Variants in DCX observed in about 807,000 individuals in gnomAD.
DCX encodes the protein doublecortin, also known as neuronal migration protein doublecortin.
DCX carries 4 observed loss-of-function variants against 20.9 expected under a neutral mutation model. The ratio of observed to expected loss-of-function variants is 0.19; its 90% CI spans 0.09 to 0.44. The LOEUF (loss-of-function observed/expected upper bound fraction) is 0.44. DCX is among the 20% of genes least tolerant of loss of function. The probability of loss-of-function intolerance (pLI) is 0.99; values close to 1 mark genes in which losing one functional copy is unlikely to be tolerated. For synonymous variants in DCX, 103 were observed against 111.4 expected, an observed-to-expected ratio of 0.92 and a Z score of 0.47; for missense variants, 133 against 296.9, an observed-to-expected ratio of 0.45 and a Z score of 4.06.
At chrX:111,391,128 G>C (rs1295437936) in intron 3 of DCX, among the ~76,000 whole-genome samples, 1 of 111,271 alleles carries the variant, frequency 9.0e-6, no homozygotes, top group South Asian at 3.8e-4. Flanking sequence ...CAATTTTGGA[G>C]GCGGGACCTG....
intron 5 of DCX, among the ~76,000 whole-genome samples, chrX:111,330,439 T>C (rs1331330609): frequency 8.9e-6 from 1 of 112,443 alleles, no homozygotes; most frequent in African/African-American, 3.2e-5. Flanking sequence ...CATATATATG[T>C]AGTGTACTTG....
chrX:111,408,536 G>A (rs1479953726), intron 2 of DCX, among the ~76,000 whole-genome samples: 1 of 109,124 alleles, frequency 9.2e-6, no homozygotes, highest in East Asian at 2.9e-4. Context: ...AGGAGGCAGA[G>A]GTTGTGGTGA....
intron 3 of DCX, among the ~76,000 whole-genome samples, chrX:111,335,528 A>G (rs1282631780): frequency 8.9e-6 from 1 of 112,793 alleles, no homozygotes; most frequent in Non-Finnish European, 1.9e-5. Context: ...GCATTTAGAG[A>G]CTTTAAAAGG....
At chrX:111,374,134 C>A (rs1012869086) in intron 3 of DCX, among the ~76,000 whole-genome samples, 1 of 111,794 alleles carries the variant, frequency 8.9e-6, no homozygotes, top group African/African-American at 3.3e-5. Flanking sequence ...GGGTACAATG[C>A]CACTATGGAT....
At chrX:111,313,835 C>T (rs1198054397) in intron 5 of DCX, among the ~76,000 whole-genome samples, 3 of 94,003 alleles carry the variant, frequency 3.2e-5, no homozygotes, top group African/African-American at 4.2e-5. Context: ...CTAAAATGTG[C>T]TTTAAAAACA....
chrX:111,323,034 C>T (rs919603786), intron 5 of DCX, among the ~76,000 whole-genome samples: 2 of 111,395 alleles, frequency 1.8e-5, no homozygotes, highest in Admixed American at 9.5e-5. Flanking sequence ...GATGGAAGTG[C>T]CAGAATTGTT....
At chrX:111,313,319 A>T (rs754119124) in intron 5 of DCX, among the ~76,000 whole-genome samples, 1 of 110,638 alleles carries the variant, frequency 9.0e-6, no homozygotes, top group South Asian at 4.0e-4. Flanking sequence ...AAAGAAAGAG[A>T]AAATAGGCTA....
At chrX:111,396,081 G>T (rs1927292642) in intron 3 of DCX, among the ~76,000 whole-genome samples, 1 of 112,309 alleles carries the variant, frequency 8.9e-6, no homozygotes, top group African/African-American at 3.2e-5. Context: ...CTTTTGTATG[G>T]CAACGTGGAA....
Position 111,294,230 on chromosome X carries a change from C to T in DCX, c.*7457G>A, listed in dbSNP as rs766206993. On this transcript the variant is annotated 3_prime_UTR_variant, in exon 7 of 7. Coordinates refer to ENST00000636035, the MANE Select transcript of DCX (RefSeq NM_001195553.2). ...GGACACTGATAGTAATGCATTTGAACTCATGCCCTTGTTTTTTTTTCTGGC... is the reference window on the plus strand; with the variant it reads ...GGACACTGATAGTAATGCATTTGAATTCATGCCCTTGTTTTTTTTTCTGGC... 9.0e-6 allele frequency: 1 copy of T among 111,645 alleles called. No homozygotes were observed. The highest frequency in any genetic ancestry group is 3.8e-4 in the South Asian group (1 of 2,619). 9.2% of individuals were successfully genotyped at this position (111,645 alleles called of 1,213,427 possible).
intron 3 of DCX, among the ~76,000 whole-genome samples, chrX:111,348,574 C>T (rs1387734201): frequency 9.0e-6 from 1 of 110,917 alleles, no homozygotes; most frequent in Admixed American, 9.6e-5. Context: ...TTCCACAAGG[C>T]CCTGGGGACA....
intron 5 of DCX, among the ~76,000 whole-genome samples, chrX:111,316,585 G>A (rs1420641609): frequency 9.0e-6 from 1 of 111,553 alleles, no homozygotes; most frequent in Non-Finnish European, 1.9e-5. Flanking sequence ...AGAGCAATCA[G>A]TCAAGACAAG....
intron 2 of DCX, among the ~76,000 whole-genome samples, chrX:111,407,804 A>G (rs767115950): frequency 1.1e-4 from 10 of 92,504 alleles, no homozygotes; most frequent in East Asian, 3.0e-4. Context: ...ATCAATACGC[A>G]CACACACACA....
chrX:111,385,254 AT>A (rs1248318957), intron 3 of DCX, among the ~76,000 whole-genome samples: 1 of 112,195 alleles, frequency 8.9e-6, no homozygotes, highest in Non-Finnish European at 1.9e-5. Context: ...CATATAATAA[AT>A]ATGTTGGGTT....
intron 3 of DCX, among the ~76,000 whole-genome samples, chrX:111,356,971 C>T (rs1254583457): frequency 2.7e-5 from 3 of 111,705 alleles, no homozygotes; most frequent in Non-Finnish European, 3.8e-5. Flanking sequence ...TTTTAAAAGC[C>T]AGAACTTTGG....
chrX:111,327,545 A>C (rs1216771434), intron 5 of DCX, among the ~76,000 whole-genome samples: 1 of 112,545 alleles, frequency 8.9e-6, no homozygotes, highest in South Asian at 3.7e-4. Flanking sequence ...ATTGTAAATA[A>C]CTGATAACAA....
At chrX:111,304,172 G>A (rs2095040045) in intron 6 of DCX, among the ~76,000 whole-genome samples, 1 of 112,170 alleles carries the variant, frequency 8.9e-6, no homozygotes, top group Non-Finnish European at 1.9e-5. Context: ...TCTCTGAAGG[G>A]ATTAATTCTG....
intron 5 of DCX, among the ~76,000 whole-genome samples, chrX:111,330,290 G>T (rs183872391): frequency 8.9e-6 from 1 of 112,273 alleles, no homozygotes; most frequent in African/African-American, 3.2e-5. Context: ...ATCAATAGAC[G>T]ACATGTTTTA....
At chrX:111,312,777 A>T (rs1241541860) in intron 5 of DCX, 41 bp from the exon 6 acceptor site, 2 of 1,159,834 alleles carry the variant, frequency 1.7e-6, no homozygotes, top group Non-Finnish European at 2.4e-6. Flanking sequence ...AAAAATCAAC[A>T]GCATACAAAG....
intron 3 of DCX, among the ~76,000 whole-genome samples, chrX:111,373,254 G>A (rs1925248981): frequency 8.9e-6 from 1 of 111,871 alleles, no homozygotes; most frequent in African/African-American, 3.2e-5. Context: ...TAGCCCCAGA[G>A]GGGCTGAGCA....
Sources: gnomAD v4.1 joint callset for allele counts (sites outside exome capture counted in the v4.1 genomes callset) on GRCh38, gnomAD v4.1.1 for gene constraint, MANE v1.5 for transcripts, NCBI Gene and HGNC (gene_info 2026-07-23, HGNC 2026-07-21) for gene names.